NKAIN2: variants seen among roughly 807,000 people sequenced by gnomAD.
NKAIN2 encodes the protein sodium/potassium transporting ATPase interacting 2.
NKAIN2 carries 14 observed loss-of-function variants against 32.6 expected under a neutral mutation model. The ratio of observed to expected loss-of-function variants is 0.43; its 90% CI spans 0.28 to 0.67. NKAIN2 has a LOEUF of 0.67. Among genes scored for constraint, NKAIN2 ranks in the 30% least tolerant of loss-of-function variants. The probability of loss-of-function intolerance (pLI) is 0.17; values close to 1 mark genes in which losing one functional copy is unlikely to be tolerated. For synonymous variants in NKAIN2, 80 were observed against 87.2 expected, an observed-to-expected ratio of 0.92 and a Z score of 0.46; for missense variants, 198 against 258.3, an observed-to-expected ratio of 0.77 and a Z score of 1.60.
At chr6:124,412,914 G>T (rs1218183453) in intron 3 of NKAIN2, among the ~76,000 whole-genome samples, 1 of 152,178 alleles carries the variant, frequency 6.6e-6, no homozygotes, top group African/African-American at 2.4e-5. Flanking sequence ...CTTGCAGCTT[G>T]ATCTGAGACT....
At chr6:124,090,021 T>C (rs536401214) in intron 1 of NKAIN2, among the ~76,000 whole-genome samples, 1 of 152,088 alleles carries the variant, frequency 6.6e-6, no homozygotes, top group South Asian at 2.1e-4. Flanking sequence ...AGTATCCTTG[T>C]TTTCCCCCAA....
At chr6:124,245,019 T>C (rs1364380794) in intron 1 of NKAIN2, among the ~76,000 whole-genome samples, 3 of 152,142 alleles carry the variant, frequency 2.0e-5, no homozygotes, top group South Asian at 2.1e-4. Flanking sequence ...CCTCAAAGTA[T>C]AGTTTAATTG....
At position 124,321,005 on chromosome 6, in the gene NKAIN2, G is replaced by A. The variant is rs141450996; in HGVS notation, c.193-34262G>A. Among the ~76,000 whole-genome samples, 54 of 152,250 alleles carry A rather than the reference G, an allele frequency of 3.5e-4. No individual in the cohort carries two copies. In the East Asian group the frequency reaches 5.8e-3, roughly 16 times the overall value. On this transcript the variant is annotated intron_variant, in intron 2 of 6. Coordinates refer to ENST00000368417, the MANE Select transcript of NKAIN2 (RefSeq NM_001040214.3). Reference sequence around the variant, plus strand: ...TGTGAGCCACATAAGAGCAGGCAGCGTATAGGATTTCATCTCAAAGGCTGT... The same window carrying A: ...TGTGAGCCACATAAGAGCAGGCAGCATATAGGATTTCATCTCAAAGGCTGT...
At chr6:124,286,604 G>A (rs751530255) in intron 2 of NKAIN2, among the ~76,000 whole-genome samples, 6 of 150,506 alleles carry the variant, frequency 4.0e-5, no homozygotes, top group African/African-American at 9.8e-5. Context: ...AGAATTTTTC[G>A]TATGTTCATT....
chr6:124,417,225 A>G (rs183501360), intron 3 of NKAIN2, among the ~76,000 whole-genome samples: 3 of 152,372 alleles, frequency 2.0e-5, no homozygotes, highest in Admixed American at 1.3e-4. Flanking sequence ...CACATCTGAA[A>G]CAAATAGAAA....
chr6:124,405,524 C>G, intron 3 of NKAIN2, among the ~76,000 whole-genome samples: 1 of 149,988 alleles, frequency 6.7e-6, no homozygotes, highest in East Asian at 2.0e-4. Flanking sequence ...AATATAAAAA[C>G]CTTTTGTTTT....
chr6:124,378,825 C>T (rs948443175), intron 3 of NKAIN2, among the ~76,000 whole-genome samples: 1 of 151,604 alleles, frequency 6.6e-6, no homozygotes, highest in African/African-American at 2.4e-5. Flanking sequence ...AGCAGTGGCT[C>T]ACACCTGTAG....
At chr6:124,094,748 G>A (rs958538404) in intron 1 of NKAIN2, among the ~76,000 whole-genome samples, 4 of 152,040 alleles carry the variant, frequency 2.6e-5, no homozygotes, top group African/African-American at 9.7e-5. Flanking sequence ...GCAGTTAAGG[G>A]CGCAATTTCT....
Position 123,821,290 on chromosome 6 carries a change from C to G in NKAIN2, c.54+17036C>G, listed in dbSNP as rs560154005. Among the ~76,000 whole-genome samples, 23 of 152,304 alleles carry G rather than the reference C, an allele frequency of 1.5e-4. No homozygotes were observed. The South Asian group carries it at 2.3e-3, about 15-fold the overall frequency. Reference sequence around the variant, plus strand: ...TGAAAATGGCTCCTTCATATTGTCTCTCACTATTTTAGATCAGGCATCTTA... The same window carrying G: ...TGAAAATGGCTCCTTCATATTGTCTGTCACTATTTTAGATCAGGCATCTTA... On this transcript the variant is annotated intron_variant, in intron 1 of 6. Coordinates refer to ENST00000368417, the MANE Select transcript of NKAIN2 (RefSeq NM_001040214.3).
chr6:124,796,585 A>T (rs1780008514), intron 5 of NKAIN2, among the ~76,000 whole-genome samples: 1 of 152,128 alleles, frequency 6.6e-6, no homozygotes, highest in South Asian at 2.1e-4. Flanking sequence ...CTGCCAGGCC[A>T]GCTCCATACT....
At chr6:123,849,949 GTTTTT>G (rs777466801) in intron 1 of NKAIN2, among the ~76,000 whole-genome samples, 9 of 38,734 alleles carry the variant, frequency 2.3e-4, no homozygotes, top group Non-Finnish European at 4.5e-4. Flanking sequence ...ACTCAGGCTG[GTTTTT>G]TTTTTTTGTT....
At chr6:124,167,605 A>G (rs1163203585) in intron 1 of NKAIN2, among the ~76,000 whole-genome samples, 1 of 152,168 alleles carries the variant, frequency 6.6e-6, no homozygotes, top group Non-Finnish European at 1.5e-5. Flanking sequence ...CCAGTTTTCA[A>G]AGGGAATGCT....
intron 3 of NKAIN2, among the ~76,000 whole-genome samples, chr6:124,372,935 T>A (rs540693459): frequency 4.6e-5 from 7 of 152,294 alleles, no homozygotes; most frequent in Non-Finnish European, 1.0e-4. Flanking sequence ...AGTTTGGATA[T>A]TGTTCTAAGT....
At chr6:124,008,690 T>C (rs905810125) in intron 1 of NKAIN2, among the ~76,000 whole-genome samples, 1 of 152,176 alleles carries the variant, frequency 6.6e-6, no homozygotes, top group Non-Finnish European at 1.5e-5. Context: ...AAATGTTCAA[T>C]GACTAGAATA....
At chr6:124,352,911 T>G (rs1225182017) in intron 2 of NKAIN2, among the ~76,000 whole-genome samples, 1 of 152,170 alleles carries the variant, frequency 6.6e-6, no homozygotes, top group East Asian at 1.9e-4. Flanking sequence ...TCATTTAGTT[T>G]GCCCTAACAT....
rs114694785 is a variant in NKAIN2, at chr6:124,589,669, T to A, written c.274-68517T>A. On this transcript the variant is annotated intron_variant, in intron 3 of 6. Transcript: ENST00000368417. The stretch of plus-strand genomic sequence containing the variant: ...AAACTGTGTTGATATTAATTTTGTT[T>A]TTTTATTTTACTTTAAGTTCTGGGA... Among the ~76,000 whole-genome samples the A allele has an allele frequency of 8.7e-3, 1,328 of 152,344 alleles. 25 individuals are homozygous for A. Among genetic ancestry groups the A allele is most frequent in the African/African-American group, 0.03 (1,258 of 41,578 alleles).
chr6:124,592,123 G>A (rs1360868047), intron 3 of NKAIN2, among the ~76,000 whole-genome samples: 2 of 152,160 alleles, frequency 1.3e-5, no homozygotes, highest in Admixed American at 6.6e-5. Context: ...TGTTGATGAT[G>A]AAGGGCCATT....
At chr6:124,651,935 T>C (rs1213404115) in intron 3 of NKAIN2, among the ~76,000 whole-genome samples, 1 of 152,236 alleles carries the variant, frequency 6.6e-6, no homozygotes, top group Non-Finnish European at 1.5e-5. Context: ...AAAGGTCTTT[T>C]ATTCTGTACC....
chr6:124,439,315 A>G (rs1583254634), intron 3 of NKAIN2, among the ~76,000 whole-genome samples: 1 of 151,002 alleles, frequency 6.6e-6, no homozygotes, highest in Non-Finnish European at 1.5e-5. Context: ...TACAGATTTC[A>G]CCTGCTAAAT....
Sources: allele counts gnomAD v4.1 joint callset (sites outside exome capture counted in the v4.1 genomes callset), GRCh38; gene constraint gnomAD v4.1.1; transcripts MANE v1.5; gene names NCBI Gene and HGNC (gene_info 2026-07-23, HGNC 2026-07-21).